Variants in FMN1 observed in about 807,000 individuals in gnomAD.
FMN1 encodes formin-1.
Under a neutral mutation model 132.4 loss-of-function variants are expected in FMN1, and 110 were observed. That is an observed-to-expected ratio of 0.83 (90% CI 0.71 to 0.97). The LOEUF is 0.97. Among genes scored for constraint, FMN1 ranks in the 50% least tolerant of loss-of-function variants. The probability of loss-of-function intolerance (pLI) is 0.00; values close to 1 mark genes in which losing one functional copy is unlikely to be tolerated. For missense variants in FMN1, 1,792 were observed against 1,705.3 expected, an observed-to-expected ratio of 1.05 and a Z score of -0.90; for synonymous variants, 722 against 651.7, an observed-to-expected ratio of 1.11 and a Z score of -1.64.
At chr15:33,122,982 G>A (rs1962709521) in intron 4 of FMN1, among the ~76,000 whole-genome samples, 1 of 151,894 alleles carries the variant, frequency 6.6e-6, no homozygotes, top group Admixed American at 6.6e-5. Flanking sequence ...GGTAATTAAT[G>A]TCACAAATAA....
chr15:32,766,509 T>C lies in FMN1; in HGVS notation c.*7801A>G, dbSNP rs2056050755. 1.3e-5 allele frequency: 2 copies of C among 150,794 alleles called. No individual in the cohort carries two copies. Among genetic ancestry groups the C allele is most frequent in the South Asian group, 2.1e-4 (1 of 4,730 alleles). 9.3% of individuals were successfully genotyped at this position (150,794 alleles called of 1,614,324 possible). On this transcript the variant is annotated 3_prime_UTR_variant, in exon 21 of 21. Transcript: ENST00000616417. ...AGTTTAAGGTAAAATCTATGAGAAA[T>C]TGAGAAGGCCTAGAATAAGAACCCC... is the stretch of plus-strand genomic sequence containing the variant.
At chr15:32,800,914 C>G (rs914126164) in intron 18 of FMN1, among the ~76,000 whole-genome samples, 59 of 152,282 alleles carry the variant, frequency 3.9e-4, no homozygotes, top group African/African-American at 1.4e-3. Context: ...ATTATTTTTT[C>G]TCTTTCTTAT....
At chr15:32,871,567 CTG>C (rs1293162889) in intron 16 of FMN1, among the ~76,000 whole-genome samples, 1 of 152,104 alleles carries the variant, frequency 6.6e-6, no homozygotes, top group Non-Finnish European at 1.5e-5. Flanking sequence ...TGAGCCACAT[CTG>C]TGTCCATACA....
Position 33,153,535 on chromosome 15 carries a change from G to C in FMN1, c.1380C>G (p.Ala460=), listed in dbSNP as rs552758815. 16 of 1,536,306 alleles carry C rather than the reference G, an allele frequency of 1.0e-5. No individual in the cohort carries two copies. In the South Asian group the frequency reaches 1.9e-4, roughly 18 times the overall value. ...ACTTGTGGCCACCAAGGGGCAACCCGGCTCTCCTCTTGTTTCTCGTTTCTG... is the reference window on the plus strand; with the variant it reads ...ACTTGTGGCCACCAAGGGGCAACCCCGCTCTCCTCTTGTTTCTCGTTTCTG... The part of the protein sequence containing the change: ...TRPETRNKRR[A]GLPLGGHKSL... The change falls in exon 4 of 21, where the codon GCC becomes GCG. Residue 460 remains alanine (A), a synonymous_variant. Coordinates refer to ENST00000616417, the MANE Select transcript of FMN1 (RefSeq NM_001277313.2).
In FMN1 at chr15:32,767,327, G is replaced by C. The variant is rs997736907; in HGVS notation, c.*6983C>G. 4 of 152,124 alleles carry C rather than the reference G, an allele frequency of 2.6e-5. No individual in the cohort carries two copies. Among genetic ancestry groups the C allele is most frequent in the African/African-American group, 9.7e-5 (4 of 41,422 alleles). 9.4% of individuals were successfully genotyped at this position (152,124 alleles called of 1,614,324 possible). On this transcript the variant is annotated 3_prime_UTR_variant, in exon 21 of 21. Coordinates refer to ENST00000616417, the MANE Select transcript of FMN1 (RefSeq NM_001277313.2). ...TAGAAAGCAGCATCCAGGGTCCAGG[G>C]TGTCACTAAGAAAACTAAACCCTGA...
rs756323460 is a variant in FMN1 at position 32,902,081 on chromosome 15, C to T, written c.3378-41G>A. On this transcript the variant is annotated intron_variant, in intron 12 of 20. Coordinates refer to ENST00000616417, the MANE Select transcript of FMN1 (RefSeq NM_001277313.2). ...TGTGTCATCTACCTTCACATATAAT[C>T]ACAAGGAAAATAAAAAGACAGCTGA... 15 of 1,559,370 alleles carry T rather than the reference C, an allele frequency of 9.6e-6. 1 individual carries two copies. The highest frequency in any genetic ancestry group is 3.4e-4 in the Middle Eastern group (2 of 5,810).
intron 10 of FMN1, among the ~76,000 whole-genome samples, chr15:32,921,185 G>C (rs1247322270): frequency 2.0e-5 from 3 of 152,108 alleles, no homozygotes; most frequent in Non-Finnish European, 4.4e-5. Context: ...GGCTCTCCTA[G>C]GAGGTGACAT....
intron 9 of FMN1, among the ~76,000 whole-genome samples, chr15:32,948,549 T>TACGG (rs2061557917): frequency 6.6e-6 from 1 of 152,060 alleles, no homozygotes; most frequent in Non-Finnish European, 1.5e-5. Flanking sequence ...CTAATTTAAT[T>TACGG]AACCTTAATA....
intron 2 of FMN1, among the ~76,000 whole-genome samples, chr15:33,187,863 A>G (rs923835393): frequency 1.3e-5 from 2 of 152,224 alleles, no homozygotes; most frequent in Admixed American, 1.3e-4. Flanking sequence ...GATAATTTTC[A>G]TATACCTGTC....
chr15:33,160,620 C>A (rs1964850724), intron 3 of FMN1, among the ~76,000 whole-genome samples: 1 of 152,182 alleles, frequency 6.6e-6, no homozygotes, highest in African/African-American at 2.4e-5. Flanking sequence ...CATTGCAATT[C>A]CATGCTGAGT....
intron 7 of FMN1, among the ~76,000 whole-genome samples, chr15:32,987,985 G>C (rs980880971): frequency 6.7e-6 from 1 of 150,264 alleles, no homozygotes; most frequent in Non-Finnish European, 1.5e-5. Context: ...GTAGTGCCTC[G>C]TTGCAGGTTT....
intron 13 of FMN1, among the ~76,000 whole-genome samples, chr15:32,901,015 G>A (rs2010817): frequency 1.3e-5 from 2 of 152,018 alleles, no homozygotes; most frequent in South Asian, 2.1e-4. Flanking sequence ...CTAGCTGGGC[G>A]TGATGGCAGG....
At chr15:33,021,637 T>C (rs1330992140) in intron 6 of FMN1, among the ~76,000 whole-genome samples, 1 of 152,182 alleles carries the variant, frequency 6.6e-6, no homozygotes, top group Non-Finnish European at 1.5e-5. Flanking sequence ...CTTTTACCTG[T>C]ATTGAAAAGG....
intron 4 of FMN1, among the ~76,000 whole-genome samples, chr15:33,113,436 T>C (rs1261564874): frequency 3.3e-5 from 5 of 152,028 alleles, no homozygotes; most frequent in African/African-American, 4.8e-5. Context: ...TTTTTGTTGT[T>C]GTCTTATACT....
In FMN1 at chr15:33,067,781, A is replaced by G. The variant is rs1468522860; in HGVS notation, c.2044-2707T>C. 3.1e-6 allele frequency: 5 copies of G among 1,613,940 alleles called. No homozygotes were observed. The Admixed American group carries it at 6.7e-5, about 22-fold the overall frequency. The stretch of plus-strand genomic sequence containing the variant: ...ACTCGTAAACCCAAATAGGGATTTC[A>G]TAGAGAACTTACTCAGGATCGACTG... On this transcript the variant is annotated intron_variant, in intron 5 of 20. Transcript: ENST00000616417.
intron 3 of FMN1, among the ~76,000 whole-genome samples, chr15:33,179,850 G>A (rs1965635389): frequency 6.6e-6 from 1 of 152,194 alleles, no homozygotes; most frequent in Non-Finnish European, 1.5e-5. Flanking sequence ...AATAGAAATA[G>A]TAGCATTCCT....
At chr15:33,067,483 G>C (rs747863380) in intron 5 of FMN1, 3 of 1,614,000 alleles carry the variant, frequency 1.9e-6, no homozygotes, top group Non-Finnish European at 2.5e-6. Flanking sequence ...GAACACAAAT[G>C]ACATCGTCTT....
At chr15:32,881,986 A>G (rs796722402) in intron 16 of FMN1, among the ~76,000 whole-genome samples, 3 of 152,342 alleles carry the variant, frequency 2.0e-5, no homozygotes, top group African/African-American at 7.2e-5. Flanking sequence ...ACGAAGGAAT[A>G]AAACAGAGGC....
intron 17 of FMN1, among the ~76,000 whole-genome samples, chr15:32,812,352 C>T (rs2057911021): frequency 1.3e-5 from 2 of 152,168 alleles, no homozygotes; most frequent in South Asian, 4.1e-4. Flanking sequence ...CTGAGTACTC[C>T]TTATCTGAAA....
Sources: gnomAD v4.1 joint callset for allele counts (sites outside exome capture counted in the v4.1 genomes callset) on GRCh38, gnomAD v4.1.1 for gene constraint, MANE v1.5 for transcripts, NCBI Gene and HGNC (gene_info 2026-07-23, HGNC 2026-07-21) for gene names.